TTC7A: variants seen among roughly 807,000 people sequenced by gnomAD.
TTC7A encodes tetratricopeptide repeat protein 7A.
A neutral mutation model predicts 103.7 loss-of-function variants in TTC7A; 110 were observed. The ratio of observed to expected loss-of-function variants is 1.06; its 90% CI spans 0.91 to 1.24. TTC7A has a LOEUF of 1.24. Ranked by LOEUF, TTC7A falls within the 50% of genes most tolerant of loss-of-function variation. The probability of loss-of-function intolerance (pLI) is 0.00; values close to 1 mark genes in which losing one functional copy is unlikely to be tolerated. For synonymous variants in TTC7A, 521 were observed against 467.9 expected (o/e 1.11, Z -1.47); for missense variants, 1,340 against 1,116.3 (o/e 1.20, Z -2.86).
Position 46,941,610 on chromosome 2 carries a change from G to C in TTC7A, c.69G>C (p.Glu23Asp). ...GCGAGCTGGAGCGCTGCCGCGCCGA[G>C]GGCCACTGGGACCGCATGCCGGAGC... ...VESELERCRA[E>D]GHWDRMPELV... The change falls in exon 1 of 20, where the codon GAG becomes GAC. Residue 23 changes from glutamate to aspartate, a missense_variant. By Grantham distance (45) the Glu-to-Asp change is conservative (BLOSUM62 2). Coordinates refer to ENST00000319190, the MANE Select transcript of TTC7A (RefSeq NM_020458.4). The surrounding 1 kb of genome is among the most constrained non-coding windows in gnomAD (Gnocchi z 4.2). 1 of 1,556,546 alleles carries C rather than the reference G, an allele frequency of 6.4e-7. No individual in the cohort carries two copies. Among genetic ancestry groups the C allele is most frequent in the Non-Finnish European group, 8.7e-7 (1 of 1,150,688 alleles).
At chr2:46,950,658 T>A in intron 2 of TTC7A, 132 bp downstream of exon 2, 1 of 944,366 alleles carries the variant, frequency 1.1e-6, no homozygotes, top group Non-Finnish European at 1.5e-6. Flanking sequence ...GCACTTACAG[T>A]AGCCACTGGC....
At chr2:46,958,609 C>T (rs1272998045) in intron 3 of TTC7A, 2 of 1,217,454 alleles carry the variant, frequency 1.6e-6, no homozygotes, top group Non-Finnish European at 2.2e-6. Context: ...TGCTAGCTCC[C>T]GTTCCCCAGT....
In TTC7A at chr2:47,074,347, G is replaced by C. The variant is rs975827233; in HGVS notation, c.*424G>C. 2 of 166,570 alleles carry C rather than the reference G, an allele frequency of 1.2e-5. No homozygotes were observed. Among genetic ancestry groups the C allele is most frequent in the African/African-American group, 4.8e-5 (2 of 41,816 alleles). 10.3% of individuals were successfully genotyped at this position (166,570 alleles called of 1,614,324 possible). A position where few individuals can be genotyped will look rare whatever the true frequency, so the allele number is the denominator to read the frequency against. On this transcript the variant is annotated 3_prime_UTR_variant, in exon 20 of 20. Coordinates refer to ENST00000319190, the MANE Select transcript of TTC7A (RefSeq NM_020458.4). The stretch of plus-strand genomic sequence containing the variant: ...GGCGGTCACAATGTGAAGAAACTGC[G>C]GGCAAGTGGGAAGACTATGAGATTT...
chr2:47,060,620 C>T (rs951991929), intron 18 of TTC7A, 149 bp from the exon 19 acceptor site: 15 of 678,452 alleles, frequency 2.2e-5, no homozygotes, highest in Middle Eastern at 4.0e-4. Context: ...CCCACTACAT[C>T]CTATAGTCAG....
intron 15 of TTC7A, among the ~76,000 whole-genome samples, chr2:47,033,715 A>AGG (rs1178316487): frequency 6.6e-6 from 1 of 152,100 alleles, no homozygotes; most frequent in Non-Finnish European, 1.5e-5. Context: ...GACTCAGGAG[A>AGG]GGGCACACAG....
At position 46,934,387 on chromosome 2, in the gene TTC7A, T is replaced by C. The variant is rs145053227; in HGVS notation, c.83-15976T>C. ...AATGCTTGTGCATCAGCCACCTGAA[T>C]TGCTGGTATTATAGATGCATGCCAC... On this transcript the variant is annotated intron_variant, in intron 2 of 20. Transcript: ENST00000409245. Among the ~76,000 whole-genome samples the C allele has an allele frequency of 5.3e-3, 814 of 152,282 alleles. 6 individuals carry two copies. Among genetic ancestry groups the C allele is most frequent in the African/African-American group, 0.018 (746 of 41,534 alleles).
intron 1 of TTC7A, among the ~76,000 whole-genome samples, chr2:46,946,383 A>G (rs558169889): frequency 6.6e-6 from 1 of 152,328 alleles, no homozygotes; most frequent in South Asian, 2.1e-4. Flanking sequence ...TTGGAAGGAC[A>G]GGGAAGCCTT....
At chr2:47,054,310 C>G (rs937855608) in intron 18 of TTC7A, 2 of 309,510 alleles carry the variant, frequency 6.5e-6, no homozygotes, top group Non-Finnish European at 9.4e-6. Context: ...TCTTCTGTCC[C>G]TAGGGTATCA....
chr2:47,020,227 C>G (rs150209524), intron 11 of TTC7A, among the ~76,000 whole-genome samples: 20 of 152,352 alleles, frequency 1.3e-4, no homozygotes, highest in African/African-American at 4.3e-4. Context: ...CTGAGCCCCA[C>G]AGCTGTCAGG....
chr2:47,053,931 G>A (rs1449567458), intron 18 of TTC7A, among the ~76,000 whole-genome samples: 2 of 152,176 alleles, frequency 1.3e-5, no homozygotes, highest in Non-Finnish European at 2.9e-5. Flanking sequence ...TTCTCAGGTT[G>A]TATATTGCTT....
intron 8 of TTC7A, among the ~76,000 whole-genome samples, chr2:46,996,720 G>A (rs529082911): frequency 1.6e-4 from 25 of 152,350 alleles, no homozygotes; most frequent in African/African-American, 5.8e-4. Context: ...GGGCCATCTC[G>A]CTGGTTAGCA....
chr2:46,954,565 CCT>C (rs1671682271), intron 2 of TTC7A, among the ~76,000 whole-genome samples: 1 of 129,942 alleles, frequency 7.7e-6, no homozygotes, highest in Admixed American at 7.3e-5. Flanking sequence ...GAACTAAGAG[CCT>C]TTTTTTTTTT....
At chr2:46,927,743 A>C (rs1669464732) in intron 2 of TTC7A, among the ~76,000 whole-genome samples, 1 of 152,084 alleles carries the variant, frequency 6.6e-6, no homozygotes, top group Non-Finnish European at 1.5e-5. Context: ...GTATATCTTC[A>C]AAGTGCAAAA....
chr2:47,057,601 G>T (rs1195938946), intron 18 of TTC7A, among the ~76,000 whole-genome samples: 1 of 152,182 alleles, frequency 6.6e-6, no homozygotes, highest in Non-Finnish European at 1.5e-5. Context: ...GGGGAGTGGG[G>T]AGCTTGACTC....
At chr2:46,935,213 G>A (rs1669916992) in intron 2 of TTC7A, among the ~76,000 whole-genome samples, 1 of 152,076 alleles carries the variant, frequency 6.6e-6, no homozygotes, top group Non-Finnish European at 1.5e-5. Flanking sequence ...AAGGGGTCAG[G>A]CGTGTGTGGA....
chr2:46,984,956 C>G (rs570505230), intron 5 of TTC7A, among the ~76,000 whole-genome samples: 1 of 152,306 alleles, frequency 6.6e-6, no homozygotes, highest in South Asian at 2.1e-4. Context: ...GGTGCGCTGA[C>G]TCCCACCCCT....
At chr2:46,976,737 C>T (rs963815138) in intron 4 of TTC7A, among the ~76,000 whole-genome samples, 1 of 152,202 alleles carries the variant, frequency 6.6e-6, no homozygotes, top group African/African-American at 2.4e-5. Context: ...CCCCACTATG[C>T]CAGTAGCACT....
At chr2:46,931,991 A>G (rs1485294565) in intron 2 of TTC7A, among the ~76,000 whole-genome samples, 1 of 152,324 alleles carries the variant, frequency 6.6e-6, no homozygotes, top group Admixed American at 6.5e-5. Flanking sequence ...AATGGATCTA[A>G]GGAAGAAAAA....
chr2:47,072,506 C>T (rs961270303), intron 19 of TTC7A, among the ~76,000 whole-genome samples: 9 of 152,364 alleles, frequency 5.9e-5, no homozygotes, highest in Admixed American at 5.2e-4. Flanking sequence ...TCTTCCCCAG[C>T]GCGTCTCCAT....
Sources: gnomAD v4.1 joint callset for allele counts (sites outside exome capture counted in the v4.1 genomes callset) on GRCh38, gnomAD v4.1.1 for gene constraint, Gnocchi (gnomAD v3.1) non-coding constraint, MANE v1.5 for transcripts, NCBI Gene and HGNC (gene_info 2026-07-23, HGNC 2026-07-21) for gene names.